The following SOCS6 variants were observed in gnomAD, a reference collection of about 807,000 sequenced individuals.
The protein encoded by SOCS6 is STAT induced STAT inhibitor-4.
SOCS6 carries 5 observed loss-of-function variants against 27.7 expected under a neutral mutation model. That is an observed-to-expected ratio of 0.18 (90% CI 0.09 to 0.38). The LOEUF is 0.38. Ranked by LOEUF, SOCS6 falls within the 10% of genes least tolerant of loss-of-function variation. SOCS6 has a pLI of 1.00. For synonymous variants in SOCS6, 271 were observed against 260.0 expected, an observed-to-expected ratio of 1.04 and a Z score of -0.41; for missense variants, 595 against 688.1, an observed-to-expected ratio of 0.86 and a Z score of 1.51.
chr18:70,291,709 A>G (rs1351640325), intron 1 of SOCS6, among the ~76,000 whole-genome samples: 1 of 152,138 alleles, frequency 6.6e-6, no homozygotes, highest in African/African-American at 2.4e-5. Context: ...TTGGGACTCA[A>G]TTATTGTTAT....
chr18:70,297,746 A>G (rs996311334), intron 1 of SOCS6, among the ~76,000 whole-genome samples: 4 of 152,184 alleles, frequency 2.6e-5, no homozygotes, highest in African/African-American at 4.8e-5. Context: ...GCTTTCCAAG[A>G]TTCCCTTCAG....
Position 70,325,808 on chromosome 18 carries a change from A to G in SOCS6, c.1140A>G (p.Ala380=), listed in dbSNP as rs1205532484. Residue 380 remains alanine (A), a synonymous_variant, in exon 2 of 2, where the codon GCA becomes GCG. Coordinates refer to ENST00000397942, the MANE Select transcript of SOCS6 (RefSeq NM_004232.4). This position sits in a 1 kb window ranked among gnomAD's most constrained non-coding sequence, Gnocchi z 6.3. ...TTACAGAGGAGCTGAAAAAACTTGC[A>G]AAGCAAGGATGGTACTGGGGACCAA... ...TSLTEELKKL[A]KQGWYWGPIT... 4 of 1,614,116 alleles carry G rather than the reference A, an allele frequency of 2.5e-6. No homozygotes were observed. Among genetic ancestry groups the G allele is most frequent in the Non-Finnish European group, 3.4e-6 (4 of 1,180,040 alleles).
At chr18:70,308,452 G>A (rs2062377970) in intron 1 of SOCS6, among the ~76,000 whole-genome samples, 1 of 151,348 alleles carries the variant, frequency 6.6e-6, no homozygotes, top group African/African-American at 2.5e-5. Flanking sequence ...GAATTCCTGG[G>A]CTCATGTGAT....
intron 1 of SOCS6, among the ~76,000 whole-genome samples, chr18:70,303,489 T>C (rs990772964): frequency 6.6e-6 from 1 of 152,216 alleles, no homozygotes; most frequent in Admixed American, 6.5e-5. Flanking sequence ...AAATTAATTT[T>C]TATGGCTGTA....
At chr18:70,317,578 CA>C (rs2062418228) in intron 1 of SOCS6, among the ~76,000 whole-genome samples, 2 of 146,980 alleles carry the variant, frequency 1.4e-5, no homozygotes, top group African/African-American at 4.9e-5. Flanking sequence ...CACACACACA[CA>C]CACCACATTT....
intron 1 of SOCS6, among the ~76,000 whole-genome samples, chr18:70,317,280 C>G (rs1600163865): frequency 6.6e-6 from 1 of 152,104 alleles, no homozygotes; most frequent in South Asian, 2.1e-4. Context: ...TTAGCTCGCA[C>G]TTATAAGTGA....
chr18:70,322,432 T>C (rs1356864271), intron 1 of SOCS6, among the ~76,000 whole-genome samples: 1 of 152,184 alleles, frequency 6.6e-6, no homozygotes, highest in Non-Finnish European at 1.5e-5. Flanking sequence ...TATGGATTGG[T>C]AGTTGAAAAA....
intron 1 of SOCS6, among the ~76,000 whole-genome samples, chr18:70,292,807 G>T (rs924705602): frequency 1.3e-5 from 2 of 152,048 alleles, no homozygotes; most frequent in African/African-American, 4.8e-5. Context: ...TTCCTGCTCC[G>T]CCACCTTTGA....
Position 70,326,472 on chromosome 18 carries a change from G to T in SOCS6, c.*196G>T. On this transcript the variant is annotated 3_prime_UTR_variant, in exon 2 of 2. Transcript: ENST00000397942. ...GGGTTTATTTTGGTTCTTTAAAAAA[G>T]GGAAGTCTTGAGGTTTTAGAGGTGT... 1.7e-6 allele frequency: 1 copy of T among 572,858 alleles called. No homozygotes were observed. 35.5% of individuals were successfully genotyped at this position (572,858 alleles called of 1,614,324 possible). A position where few individuals can be genotyped will look rare whatever the true frequency, so the allele number is the denominator to read the frequency against.
At chr18:70,289,240 G>C (rs1251336844) in intron 1 of SOCS6, 150 bp downstream of exon 1, 1 of 151,496 alleles carries the variant, frequency 6.6e-6, no homozygotes, top group African/African-American at 2.4e-5. Context: ...CGCCGGGCGC[G>C]GGGCTGCAGC....
At chr18:70,311,305 C>T (rs2062389852) in intron 1 of SOCS6, among the ~76,000 whole-genome samples, 1 of 152,084 alleles carries the variant, frequency 6.6e-6, no homozygotes, top group African/African-American at 2.4e-5. Context: ...TGGAATGAGG[C>T]AAGGCATGAG....
In SOCS6 at chr18:70,325,150, C is replaced by A; in HGVS notation, c.482C>A (p.Ser161Tyr). Residue 161 changes from serine to tyrosine, a missense_variant, in exon 2 of 2, where the codon TCT becomes TAT. By Grantham distance (144) the Ser-to-Tyr change is moderately radical. Around this residue, in one of 2 missense-constraint regions of SOCS6, gnomAD observed 467 missense variants for 481.1 expected, o/e 0.97. Coordinates refer to ENST00000397942, the MANE Select transcript of SOCS6 (RefSeq NM_004232.4). This position sits in a 1 kb window ranked among gnomAD's most constrained non-coding sequence, Gnocchi z 6.3. Reference sequence around the variant, plus strand: ...GTGAGAGTCAAGGCCTTGGTTCACTCTTCCAGCCCGAGTCCAGCCCTGAAT... The same window carrying A: ...GTGAGAGTCAAGGCCTTGGTTCACTATTCCAGCCCGAGTCCAGCCCTGAAT... ...MEVRVKALVHSSSPSPALNGV... is the reference protein window; with the variant it reads ...MEVRVKALVHYSSPSPALNGV... 6.2e-7 allele frequency: 1 copy of A among 1,614,218 alleles called. No individual in the cohort carries two copies. The highest frequency in any genetic ancestry group is 8.5e-7 in the Non-Finnish European group (1 of 1,180,038).
chr18:70,298,498 T>TTA (rs953229004), intron 1 of SOCS6, among the ~76,000 whole-genome samples: 3 of 152,058 alleles, frequency 2.0e-5, no homozygotes, highest in Admixed American at 6.6e-5. Context: ...TCAGGATGTA[T>TTA]TATATATATA....
intron 1 of SOCS6, among the ~76,000 whole-genome samples, chr18:70,303,319 A>C (rs2062356525): frequency 6.6e-6 from 1 of 152,154 alleles, no homozygotes; most frequent in Non-Finnish European, 1.5e-5. Context: ...TTCTTTACTC[A>C]TACTGTTGGA....
At chr18:70,324,251 G>A (rs573517779) in intron 1 of SOCS6, among the ~76,000 whole-genome samples, 40 of 152,000 alleles carry the variant, frequency 2.6e-4, no homozygotes, top group African/African-American at 8.7e-4. Flanking sequence ...GCAGTGAGCC[G>A]AGATCACGCC....
intron 1 of SOCS6, among the ~76,000 whole-genome samples, chr18:70,294,313 G>A (rs8085120): frequency 0.38 from 58,254 of 151,582 alleles, 11,735 homozygotes; most frequent in East Asian, 0.74. Flanking sequence ...CAGGGGGCCT[G>A]GCCACTGAGT....
Position 70,292,513 on chromosome 18 carries a change from AT to A in SOCS6, c.-127+3431del, listed in dbSNP as rs370169050. 1.4e-3 allele frequency among the ~76,000 whole-genome samples: 211 copies of A among 151,872 alleles called. 3 individuals are homozygous for A. The South Asian group carries it at 0.041, about 30-fold the overall frequency. ...AAGTGCATGCCACCATGCCCAGCTG[AT>A]TTTTTTTAATTTTTGGTAGAGATGG... On this transcript the variant is annotated intron_variant, in intron 1 of 1. Transcript: ENST00000397942.
chr18:70,302,156 G>A lies in SOCS6; in HGVS notation c.-127+13066G>A, dbSNP rs536941762. ...TGGGGAAATTGTTGGGAGATTAAGT[G>A]TGCCAGCTGACGGTGGGGGCCCTTG... On this transcript the variant is annotated intron_variant, in intron 1 of 1. Coordinates refer to ENST00000397942, the MANE Select transcript of SOCS6 (RefSeq NM_004232.4). Among the ~76,000 whole-genome samples, 18 of 152,300 alleles carry A rather than the reference G, an allele frequency of 1.2e-4. 1 individual carries two copies. The highest frequency in any genetic ancestry group is 4.3e-4 in the African/African-American group (18 of 41,562).
intron 1 of SOCS6, among the ~76,000 whole-genome samples, chr18:70,312,304 T>A (rs2062393834): frequency 6.6e-6 from 1 of 152,102 alleles, no homozygotes; most frequent in South Asian, 2.1e-4. Flanking sequence ...AATGATCAAG[T>A]AATGTTTGCT....
Sources: gnomAD v4.1 joint callset for allele counts (sites outside exome capture counted in the v4.1 genomes callset) on GRCh38, gnomAD v4.1.1 for gene constraint, gnomAD v4.1.1 regional missense constraint, Gnocchi (gnomAD v3.1) non-coding constraint, MANE v1.5 for transcripts, NCBI Gene and HGNC (gene_info 2026-07-23, HGNC 2026-07-21) for gene names.